ALMS1: variants seen among roughly 807,000 people sequenced by gnomAD.
The protein encoded by ALMS1 is ALMS1 centrosome and basal body associated protein, also known as centrosome-associated protein ALMS1.
A neutral mutation model predicts 352.2 loss-of-function variants in ALMS1; 271 were observed. That is an observed-to-expected ratio of 0.77 (90% CI 0.70 to 0.85). The LOEUF is 0.85. Ranked by LOEUF, ALMS1 falls within the 40% of genes least tolerant of loss-of-function variation. The probability of loss-of-function intolerance (pLI) is 0.00; values close to 1 mark genes in which losing one functional copy is unlikely to be tolerated. For synonymous variants in ALMS1, 1,865 were observed against 1,761.2 expected, an observed-to-expected ratio of 1.06 and a Z score of -1.48; for missense variants, 5,445 against 4,870.7, an observed-to-expected ratio of 1.12 and a Z score of -3.51.
At chr2:73,466,794 A>C (rs1019483696) in intron 9 of ALMS1, among the ~76,000 whole-genome samples, 1 of 152,116 alleles carries the variant, frequency 6.6e-6, no homozygotes, top group Non-Finnish European at 1.5e-5. Context: ...TGAAACAAAA[A>C]TACTAGGACC....
At chr2:73,586,850 T>A (rs1675323904) in intron 16 of ALMS1, among the ~76,000 whole-genome samples, 1 of 152,250 alleles carries the variant, frequency 6.6e-6, no homozygotes, top group Non-Finnish European at 1.5e-5. Context: ...ATATGGTCAT[T>A]TTCACAATAT....
rs543921060 is a variant in ALMS1 at position 73,489,699 on chromosome 2, G to A, written c.7740G>A (p.Glu2580=). The A allele has an allele frequency of 1.2e-6, 2 of 1,614,076 alleles. No individual in the cohort carries two copies. The highest frequency in any genetic ancestry group is 4.5e-5 in the East Asian group (2 of 44,882). The change falls in exon 10 of 23, where the codon GAG becomes GAA. Residue 2580 remains glutamate (E), a synonymous_variant. Transcript: ENST00000613296. ...PEAVCSHIII[E]SHEKGCFRTL... Reference sequence around the variant, plus strand: ...CTGTATGTAGTCACATTATTATTGAGAGCCATGAAAAGGGATGTTTCCGGA... The same window carrying A: ...CTGTATGTAGTCACATTATTATTGAAAGCCATGAAAAGGGATGTTTCCGGA...
chr2:73,408,862 G>GTATT, intron 2 of ALMS1, 115 bp downstream of exon 2: 1 of 177,846 alleles, frequency 5.6e-6, no homozygotes, highest in African/African-American at 3.9e-5. Context: ...ATGTTTTCTT[G>GTATT]TCTTTTTTTT....
rs1319321395 is a variant in ALMS1, at chr2:73,538,466, A to T, written c.9907+3517A>T. Among the ~76,000 whole-genome samples, 5 of 152,180 alleles carry T rather than the reference A, an allele frequency of 3.3e-5. No individual in the cohort carries two copies. In the East Asian group the frequency reaches 7.7e-4, roughly 23 times the overall value. On this transcript the variant is annotated intron_variant, in intron 12 of 22. Transcript: ENST00000613296. The stretch of plus-strand genomic sequence containing the variant: ...GCAGCTCCCAGTGTGAGCGATGCAG[A>T]AAACGAATGATTTCTGCATTTCCAA...
At chr2:73,553,703 C>T (rs1674486220) in intron 13 of ALMS1, among the ~76,000 whole-genome samples, 2 of 152,068 alleles carry the variant, frequency 1.3e-5, no homozygotes, top group Admixed American at 6.5e-5. Context: ...TTGATTTAAT[C>T]ACTCAGACCA....
chr2:73,572,333 C>T lies in ALMS1; in HGVS notation c.10456C>T (p.His3486Tyr). The T allele has an allele frequency of 6.2e-7, 1 of 1,604,354 alleles. No individual in the cohort carries two copies. The highest frequency in any genetic ancestry group is 8.5e-7 in the Non-Finnish European group (1 of 1,176,176). ...VFRSAKFYIHHPVHLPSDQDI... is the reference protein window; with the variant it reads ...VFRSAKFYIHYPVHLPSDQDI... ...CAGGTCAGCAAAGTTTTACATTCAT[C>T]ATCCCGTACACCTACCAAGTGATCA... The change falls in exon 16 of 23, where the codon CAT (histidine) becomes TAT (tyrosine). Residue 3486 changes from histidine (H) to tyrosine (Y), a missense_variant. Physicochemically the swap from His to Tyr is moderately conservative, Grantham distance 83 (BLOSUM62 2). Transcript: ENST00000613296.
In ALMS1 at chr2:73,450,241, T is replaced by G. The variant is rs758703456; in HGVS notation, c.3714T>G (p.Ser1238=). ...GGACACCAACTCCAACCTCTGCTTC[T>G]TACTCACACACAGAGAAGCCTGGTA... ...KTGTPTPTSA[S]YSHTEKPGIF... is the part of the protein sequence containing the mutation. The change falls in exon 8 of 23, where the codon TCT becomes TCG. Residue 1238 remains serine, a synonymous_variant. Transcript: ENST00000613296. 1 of 1,611,798 alleles carries G rather than the reference T, an allele frequency of 6.2e-7. No individual in the cohort carries two copies. The highest frequency in any genetic ancestry group is 2.2e-5 in the East Asian group (1 of 44,650).
intron 15 of ALMS1, among the ~76,000 whole-genome samples, chr2:73,565,621 CTATA>C (rs1223905641): frequency 6.6e-6 from 1 of 152,108 alleles, no homozygotes; most frequent in Non-Finnish European, 1.5e-5. Context: ...AAAAGAATAA[CTATA>C]TAGTGAAGAA....
intron 13 of ALMS1, among the ~76,000 whole-genome samples, chr2:73,552,383 T>C (rs1169440726): frequency 1.3e-5 from 2 of 152,200 alleles, no homozygotes; most frequent in Non-Finnish European, 2.9e-5. Context: ...CCGTTACGTG[T>C]TTTCCACTAT....
At chr2:73,492,780 G>T (rs2103901473) in intron 10 of ALMS1, among the ~76,000 whole-genome samples, 1 of 152,118 alleles carries the variant, frequency 6.6e-6, no homozygotes, top group African/African-American at 2.4e-5. Context: ...GTCTCGCTCT[G>T]TCACCCAGGC....
At chr2:73,391,745 T>G (rs1044407863) in intron 1 of ALMS1, among the ~76,000 whole-genome samples, 5 of 152,222 alleles carry the variant, frequency 3.3e-5, no homozygotes, top group Admixed American at 3.3e-4. Context: ...GTTTTTTGTT[T>G]TCTTGGCCAG....
intron 10 of ALMS1, among the ~76,000 whole-genome samples, chr2:73,497,670 T>C (rs1673137473): frequency 6.6e-6 from 1 of 152,190 alleles, no homozygotes. Context: ...GTTACTTCAC[T>C]TAGAATAATG....
At chr2:73,536,550 A>T (rs1429040864) in intron 12 of ALMS1, among the ~76,000 whole-genome samples, 2 of 151,606 alleles carry the variant, frequency 1.3e-5, no homozygotes, top group Non-Finnish European at 2.9e-5. Context: ...CCTTTCTTAG[A>T]CCAGTAGACC....
chr2:73,464,026 G>A (rs915588634), intron 9 of ALMS1, among the ~76,000 whole-genome samples: 2 of 152,190 alleles, frequency 1.3e-5, no homozygotes, highest in Non-Finnish European at 2.9e-5. Context: ...ACAAAGAGGA[G>A]CTGGTACCAT....
intron 15 of ALMS1, among the ~76,000 whole-genome samples, chr2:73,570,218 G>A (rs971134675): frequency 6.6e-6 from 1 of 152,204 alleles, no homozygotes; most frequent in South Asian, 2.1e-4. Flanking sequence ...CTAGAATAGA[G>A]CTCAGTTAGA....
Position 73,450,563 on chromosome 2 carries a change from C to G in ALMS1, c.4036C>G (p.Gln1346Glu), listed in dbSNP as rs775149898. Residue 1346 changes from glutamine to glutamate, a missense_variant, in exon 8 of 23, where the codon CAG becomes GAG. Coordinates refer to ENST00000613296, the MANE Select transcript of ALMS1 (RefSeq NM_001378454.1). The part of the protein sequence containing the change: ...HTEKPGVFYQ[Q>E]VLPHSHPTEE... ...AGAGAAGCCTGGTGTTTTCTACCAACAGGTCTTGCCACATAGTCATCCAAC... is the reference window on the plus strand; with the variant it reads ...AGAGAAGCCTGGTGTTTTCTACCAAGAGGTCTTGCCACATAGTCATCCAAC... The G allele has an allele frequency of 1.9e-5, 30 of 1,612,774 alleles. No homozygotes were observed. The highest frequency in any genetic ancestry group is 2.4e-5 in the Non-Finnish European group (28 of 1,179,810).
intron 10 of ALMS1, among the ~76,000 whole-genome samples, chr2:73,509,563 C>T (rs1040116902): frequency 6.6e-6 from 1 of 152,254 alleles, no homozygotes; most frequent in East Asian, 1.9e-4. Context: ...AAATTCTTTT[C>T]TTTAAGAATG....
Position 73,587,003 on chromosome 2 carries a change from TTTTG to T in ALMS1, c.11548-12386_11548-12383del, listed in dbSNP as rs200428683. ...TATATTCCTAAGGTTTTGTGTTTTT[TTTTG>T]TTTGTTTGTTTATTTGTTTGTTTTG... On this transcript the variant is annotated intron_variant, in intron 16 of 22. Transcript: ENST00000613296. 8.0e-4 allele frequency among the ~76,000 whole-genome samples: 119 copies of T among 148,896 alleles called. No homozygotes were observed. The Middle Eastern group carries it at 0.014, about 17-fold the overall frequency.
intron 9 of ALMS1, among the ~76,000 whole-genome samples, chr2:73,475,571 C>A (rs1265577683): frequency 1.3e-5 from 2 of 152,008 alleles, no homozygotes; most frequent in Non-Finnish European, 2.9e-5. Flanking sequence ...TATCACTGTA[C>A]AAATTTGTTG....
Sources: gnomAD v4.1 joint callset for allele counts (sites outside exome capture counted in the v4.1 genomes callset) on GRCh38, gnomAD v4.1.1 for gene constraint, MANE v1.5 for transcripts, NCBI Gene and HGNC (gene_info 2026-07-23, HGNC 2026-07-21) for gene names.